PEAK1: variants seen among roughly 807,000 people sequenced by gnomAD.
PEAK1 encodes pseudopodium enriched atypical kinase 1.
Under a neutral mutation model 124.7 loss-of-function variants are expected in PEAK1, and 54 were observed. The ratio of observed to expected loss-of-function variants is 0.43; its 90% confidence interval spans 0.35 to 0.54. The LOEUF is 0.54. PEAK1 is among the 20% of genes least tolerant of loss of function. PEAK1 has a pLI of 0.01. For missense variants in PEAK1, 2,046 were observed against 2,134.5 expected, an observed-to-expected ratio of 0.96 and a Z score of 0.82; for synonymous variants, 719 against 760.0, an observed-to-expected ratio of 0.95 and a Z score of 0.89.
rs143127239 is a variant in PEAK1 at position 77,268,882 on chromosome 15, T to A, written c.-275+15001A>T. 2.4e-3 allele frequency among the ~76,000 whole-genome samples: 367 copies of A among 152,074 alleles called. 2 individuals are homozygous for A. The highest frequency in any genetic ancestry group is 8.2e-3 in the African/African-American group (340 of 41,468). ...CTTTAGCCTCCTTAAACAAAATAATTATCAGCCAAGAATTTTGTATGCAAC... is the reference window on the plus strand; with the variant it reads ...CTTTAGCCTCCTTAAACAAAATAATAATCAGCCAAGAATTTTGTATGCAAC... On this transcript the variant is annotated intron_variant, in intron 5 of 9. Transcript: ENST00000682557.
intron 2 of PEAK1, chr15:77,348,890 C>T: frequency 1.1e-6 from 1 of 943,010 alleles, no homozygotes; most frequent in South Asian, 4.9e-5. Context: ...AATCCTCTTG[C>T]CTTGGCCTCG....
At chr15:77,293,713 AT>A (rs2063343793) in intron 2 of PEAK1, among the ~76,000 whole-genome samples, 3 of 152,202 alleles carry the variant, frequency 2.0e-5, no homozygotes. Flanking sequence ...GATTACTATT[AT>A]AACTAGGTGA....
intron 2 of PEAK1, chr15:77,348,710 C>T (rs1272181856): frequency 2.0e-6 from 2 of 985,042 alleles, no homozygotes; most frequent in Non-Finnish European, 2.4e-6. Flanking sequence ...CACGGGAAAA[C>T]CCAAGGCACC....
intron 6 of PEAK1, among the ~76,000 whole-genome samples, chr15:77,233,328 T>C (rs2059985920): frequency 6.6e-6 from 1 of 152,204 alleles, no homozygotes; most frequent in East Asian, 1.9e-4. Context: ...CCAAAGACTG[T>C]ATTTCCCCTA....
chr15:77,150,097 C>T (rs1220394938), intron 8 of PEAK1, among the ~76,000 whole-genome samples: 1 of 152,118 alleles, frequency 6.6e-6, no homozygotes, highest in Non-Finnish European at 1.5e-5. Flanking sequence ...AGAAAGCTAT[C>T]TTTCTGATAG....
chr15:77,251,741 T>G (rs191505286), intron 6 of PEAK1, among the ~76,000 whole-genome samples: 2 of 150,878 alleles, frequency 1.3e-5, no homozygotes, highest in East Asian at 3.9e-4. Context: ...CCTTCAATCA[T>G]GCCATGTGAA....
chr15:77,154,538 C>G (rs530941410), intron 8 of PEAK1, among the ~76,000 whole-genome samples: 1 of 152,252 alleles, frequency 6.6e-6, no homozygotes, highest in South Asian at 2.1e-4. Flanking sequence ...ATGATGTTAG[C>G]TGGTTATTTT....
chr15:77,179,896 G>GCAC lies in PEAK1; in HGVS notation c.2030_2031insGTG (p.Asn677delinsLysCys), dbSNP rs1567075211. On this transcript the variant is annotated protein_altering_variant, in exon 7 of 10. Transcript: ENST00000682557. ...GACAGTCAGTGGTTTTGCTAGTGGTGTTATCAGGCACTTTGCTTTCTGTTT... is the reference window on the plus strand; with the variant it reads ...GACAGTCAGTGGTTTTGCTAGTGGTGCACTTATCAGGCACTTTGCTTTCTGTTT... The GCAC allele has an allele frequency of 6.2e-7, 1 of 1,614,142 alleles. No homozygotes were observed. Among genetic ancestry groups the GCAC allele is most frequent in the Non-Finnish European group, 8.5e-7 (1 of 1,180,012 alleles).
At chr15:77,127,079 G>C (rs533726517) in intron 9 of PEAK1, among the ~76,000 whole-genome samples, 2 of 152,166 alleles carry the variant, frequency 1.3e-5, no homozygotes, top group East Asian at 3.8e-4. Flanking sequence ...GCCATGATGT[G>C]ACAGGATTAG....
chr15:77,144,424 T>C (rs1357570085), intron 8 of PEAK1, among the ~76,000 whole-genome samples: 1 of 152,248 alleles, frequency 6.6e-6, no homozygotes, highest in African/African-American at 2.4e-5. Flanking sequence ...TGTGTTCTCT[T>C]AGCACTTTTT....
At chr15:77,253,084 G>T (rs1257894838) in intron 5 of PEAK1, among the ~76,000 whole-genome samples, 1 of 152,008 alleles carries the variant, frequency 6.6e-6, no homozygotes, top group Non-Finnish European at 1.5e-5. Flanking sequence ...TCTTATACAT[G>T]TTCAAAACTG....
chr15:77,332,914 T>C (rs1271949109), intron 2 of PEAK1: 3 of 253,356 alleles, frequency 1.2e-5, no homozygotes, highest in African/African-American at 2.3e-5. Context: ...AGATTGATGA[T>C]GCTTTCCCAC....
intron 2 of PEAK1, among the ~76,000 whole-genome samples, chr15:77,306,006 A>G (rs1179332467): frequency 1.3e-5 from 2 of 152,188 alleles, no homozygotes; most frequent in African/African-American, 2.4e-5. Context: ...TACTTTTAAT[A>G]ATAGATTAGG....
intron 2 of PEAK1, among the ~76,000 whole-genome samples, chr15:77,290,030 A>G (rs2063134917): frequency 6.6e-6 from 1 of 152,064 alleles, no homozygotes; most frequent in African/African-American, 2.4e-5. Flanking sequence ...GTGCAGTGGC[A>G]TGATTCAGCT....
In PEAK1 at chr15:77,320,920, T is replaced by C. The variant is rs547423312; in HGVS notation, c.-602-34416A>G. Among the ~76,000 whole-genome samples, 84 of 152,266 alleles carry C rather than the reference T, an allele frequency of 5.5e-4. No homozygotes were observed. The South Asian group carries it at 0.017, about 30-fold the overall frequency. ...TGAGAGCATGCGGTGTTTGGTTTTT[T>C]GTCCTTGCGACACTTTGCTGAGAAT... On this transcript the variant is annotated intron_variant, in intron 2 of 9. Coordinates refer to ENST00000682557, the MANE Select transcript of PEAK1 (RefSeq NM_001385026.1).
At chr15:77,293,888 T>C (rs2063352804) in intron 2 of PEAK1, among the ~76,000 whole-genome samples, 1 of 152,166 alleles carries the variant, frequency 6.6e-6, no homozygotes, top group African/African-American at 2.4e-5. Context: ...CCAAACAAAA[T>C]GTCCAGAGGT....
chr15:77,357,216 G>A (rs912845102), intron 2 of PEAK1, among the ~76,000 whole-genome samples: 13 of 152,258 alleles, frequency 8.5e-5, no homozygotes, highest in African/African-American at 3.1e-4. Context: ...GCTGCAGTGA[G>A]CTGTGATCAT....
At chr15:77,302,790 G>T (rs546945753) in intron 2 of PEAK1, among the ~76,000 whole-genome samples, 25 of 152,210 alleles carry the variant, frequency 1.6e-4, no homozygotes, top group Non-Finnish European at 2.2e-4. Context: ...TCAAAAATTT[G>T]TACACATTAA....
chr15:77,271,337 T>A (rs555451669), intron 5 of PEAK1, among the ~76,000 whole-genome samples: 1 of 152,208 alleles, frequency 6.6e-6, no homozygotes, highest in Admixed American at 6.5e-5. Context: ...TTGGTGGGAC[T>A]GTAAACTAGT....
Sources: allele counts gnomAD v4.1 joint callset (sites outside exome capture counted in the v4.1 genomes callset), GRCh38; gene constraint gnomAD v4.1.1; transcripts MANE v1.5; gene names NCBI Gene and HGNC (gene_info 2026-07-23, HGNC 2026-07-21).